Variants in ZFPM2 observed in about 807,000 individuals in gnomAD.
ZFPM2 encodes the protein zinc finger protein, FOG family member 2.
In ZFPM2, 20 loss-of-function variants were observed where a neutral mutation model predicts 98.6. The observed-to-expected ratio is 0.20, with a 90% confidence interval of 0.14 to 0.29. The LOEUF (loss-of-function observed/expected upper bound fraction) is 0.29. ZFPM2 is among the 10% of genes least tolerant of loss of function. The pLI is 1.00. For synonymous variants in ZFPM2, 518 were observed against 502.7 expected (o/e 1.03, Z -0.41); for missense variants, 1,310 against 1,388.6 (o/e 0.94, Z 0.90).
intron 3 of ZFPM2, among the ~76,000 whole-genome samples, chr8:105,550,681 A>G (rs1814831304): frequency 6.6e-6 from 1 of 152,196 alleles, no homozygotes; most frequent in Non-Finnish European, 1.5e-5. Flanking sequence ...CAACAGGAGC[A>G]ATCACCTCTG....
At chr8:105,719,152 G>T (rs1028178079) in intron 5 of ZFPM2, among the ~76,000 whole-genome samples, 1 of 151,852 alleles carries the variant, frequency 6.6e-6, no homozygotes, top group African/African-American at 2.4e-5. Context: ...ACTATCATCT[G>T]CAAGGCTTAC....
At chr8:105,604,823 AC>A (rs913119922) in intron 4 of ZFPM2, among the ~76,000 whole-genome samples, 71 of 152,012 alleles carry the variant, frequency 4.7e-4, no homozygotes, top group African/African-American at 1.6e-3. Flanking sequence ...TCTTTATTTT[AC>A]CTAAAATCAC....
At chr8:105,405,170 G>T (rs1305264331) in intron 1 of ZFPM2, among the ~76,000 whole-genome samples, 2 of 152,064 alleles carry the variant, frequency 1.3e-5, no homozygotes, top group Non-Finnish European at 2.9e-5. Flanking sequence ...CCCCAGGTAG[G>T]ACAAGGGTGT....
rs552998024 is a variant in ZFPM2, at chr8:105,543,391, C to T, written c.302-17972C>T. ...GTCCCAGCTACTCAGGAGGCTGAGG[C>T]GGGAGGATCACTTGAACCCAGAAGG... On this transcript the variant is annotated intron_variant, in intron 3 of 7. Coordinates refer to ENST00000407775, the MANE Select transcript of ZFPM2 (RefSeq NM_012082.4). 5.9e-5 allele frequency among the ~76,000 whole-genome samples: 9 copies of T among 152,146 alleles called. No individual in the cohort carries two copies. In the South Asian group the frequency reaches 1.7e-3, roughly 28 times the overall value.
At chr8:105,476,729 G>C (rs1368478301) in intron 3 of ZFPM2, among the ~76,000 whole-genome samples, 2 of 151,872 alleles carry the variant, frequency 1.3e-5, no homozygotes, top group Non-Finnish European at 2.9e-5. Flanking sequence ...AATAAATATA[G>C]AACTTAACCT....
intron 5 of ZFPM2, among the ~76,000 whole-genome samples, chr8:105,655,046 A>G (rs1319616594): frequency 1.3e-5 from 2 of 152,128 alleles, no homozygotes; most frequent in African/African-American, 4.8e-5. Flanking sequence ...TTTACATAGT[A>G]ATGATAAATA....
In ZFPM2 at chr8:105,802,228, C is replaced by G; in HGVS notation, c.2146C>G (p.Pro716Ala). 6.2e-7 allele frequency: 1 copy of G among 1,613,918 alleles called. No homozygotes were observed. Among genetic ancestry groups the G allele is most frequent in the Non-Finnish European group, 8.5e-7 (1 of 1,179,870 alleles). Residue 716 changes from proline (P) to alanine (A), a missense_variant, in exon 8 of 8, where the codon CCT (proline) becomes GCT (alanine). Transcript: ENST00000407775. ...GTATTACTGTGCTACACGCCACGAC[C>G]CTCCACTGAAGAGGTCTGCTTCCAA... The part of the protein sequence containing the change: ...KQYYCATRHD[P>A]PLKRSASNKV...
At chr8:105,660,485 A>G (rs1817366785) in intron 5 of ZFPM2, among the ~76,000 whole-genome samples, 1 of 152,212 alleles carries the variant, frequency 6.6e-6, no homozygotes, top group African/African-American at 2.4e-5. Context: ...GCAAGACAAT[A>G]ATGGTAAAAG....
intron 5 of ZFPM2, among the ~76,000 whole-genome samples, chr8:105,728,784 G>A (rs1157698203): frequency 6.6e-6 from 1 of 151,726 alleles, no homozygotes; most frequent in African/African-American, 2.4e-5. Flanking sequence ...AGTGACAGTT[G>A]CACTATTAAA....
At chr8:105,749,746 A>G (rs1812434420) in intron 5 of ZFPM2, among the ~76,000 whole-genome samples, 1 of 152,004 alleles carries the variant, frequency 6.6e-6, no homozygotes, top group South Asian at 2.1e-4. Context: ...GCAAGTAAGA[A>G]AGAAAGGAAA....
At chr8:105,384,835 G>A (rs1158627333) in intron 1 of ZFPM2, among the ~76,000 whole-genome samples, 1 of 152,072 alleles carries the variant, frequency 6.6e-6, no homozygotes, top group Non-Finnish European at 1.5e-5. Context: ...TGTCACCTGG[G>A]AAATAGGTTC....
chr8:105,376,780 G>A (rs1397615044), intron 1 of ZFPM2, among the ~76,000 whole-genome samples: 1 of 152,016 alleles, frequency 6.6e-6, no homozygotes, highest in Non-Finnish European at 1.5e-5. Context: ...ATCTTCTCTT[G>A]CCCAGATTAT....
rs1487351592 is a variant in ZFPM2 at position 105,788,603 on chromosome 8, C to T, written c.533-115C>T. On this transcript the variant is annotated intron_variant, in intron 5 of 7. Coordinates refer to ENST00000407775, the MANE Select transcript of ZFPM2 (RefSeq NM_012082.4). Reference sequence around the variant, plus strand: ...GCTGTTGCCTTGATCAAACACTCCACTCCAGTAGAAACCAGTGTGAAAAAC... The same window carrying T: ...GCTGTTGCCTTGATCAAACACTCCATTCCAGTAGAAACCAGTGTGAAAAAC... 7 of 1,027,414 alleles carry T rather than the reference C, an allele frequency of 6.8e-6. No individual in the cohort carries two copies. In the African/African-American group the frequency reaches 7.9e-5, roughly 12 times the overall value. 63.6% of individuals were successfully genotyped at this position (1,027,414 alleles called of 1,614,324 possible).
At chr8:105,387,571 C>A in intron 1 of ZFPM2, 1 of 153,186 alleles carries the variant, frequency 6.5e-6, no homozygotes. Context: ...GGCCGGCTGG[C>A]TGGCCGCTCT....
At chr8:105,427,815 T>A (rs1393150895) in intron 2 of ZFPM2, among the ~76,000 whole-genome samples, 1 of 152,242 alleles carries the variant, frequency 6.6e-6, no homozygotes, top group African/African-American at 2.4e-5. Flanking sequence ...TTTCAGCTTC[T>A]TTTTTGTCAT....
rs1295824006 is a variant in ZFPM2, at chr8:105,517,692, CCACACACACACACACCA to C, written c.302-43655_302-43639del. Among the ~76,000 whole-genome samples the C allele has an allele frequency of 1.5e-4, 19 of 130,134 alleles. No homozygotes were observed. In the Admixed American group the frequency reaches 1.5e-3, roughly 10 times the overall value. 85.4% of individuals were successfully genotyped at this position (130,134 alleles called of 152,430 possible). On this transcript the variant is annotated intron_variant, in intron 3 of 7. Transcript: ENST00000407775. Reference sequence around the variant, plus strand: ...TAGTGAGACCCTATCCACACACACACCACACACACACACACCACACACACACACACACACACACACAC... The same window carrying C: ...TAGTGAGACCCTATCCACACACACACCACACACACACACACACACACACAC...
intron 5 of ZFPM2, among the ~76,000 whole-genome samples, chr8:105,731,048 G>C: frequency 6.6e-6 from 1 of 151,486 alleles, no homozygotes; most frequent in Non-Finnish European, 1.5e-5. Context: ...TGAACACTGA[G>C]AGAGCAAAAT....
At chr8:105,458,411 G>A (rs899297374) in intron 3 of ZFPM2, among the ~76,000 whole-genome samples, 7 of 151,382 alleles carry the variant, frequency 4.6e-5, no homozygotes, top group African/African-American at 1.5e-4. Flanking sequence ...CTTTACCGAT[G>A]GAATGAAATT....
At chr8:105,437,494 A>ATCTTCT (rs1563658022) in intron 2 of ZFPM2, among the ~76,000 whole-genome samples, 1 of 151,412 alleles carries the variant, frequency 6.6e-6, no homozygotes, top group African/African-American at 2.4e-5. Flanking sequence ...TCATCTTGAC[A>ATCTTCT]TTTTCTATCA....
Sources: allele counts gnomAD v4.1 joint callset (sites outside exome capture counted in the v4.1 genomes callset), GRCh38; gene constraint gnomAD v4.1.1; transcripts MANE v1.5; gene names NCBI Gene and HGNC (gene_info 2026-07-23, HGNC 2026-07-21).